SLIT2: variants seen among roughly 807,000 people sequenced by gnomAD.
SLIT2 encodes slit guidance ligand 2.
Under a neutral mutation model 185.7 loss-of-function variants are expected in SLIT2, and 41 were observed. The ratio of observed to expected loss-of-function variants is 0.22; its 90% confidence interval spans 0.17 to 0.29. The LOEUF is 0.29. SLIT2 is among the 10% of genes least tolerant of loss of function. The pLI is 1.00. For synonymous variants in SLIT2, 693 were observed against 680.2 expected, an observed-to-expected ratio of 1.02 and a Z score of -0.29; for missense variants, 1,571 against 1,909.0, an observed-to-expected ratio of 0.82 and a Z score of 3.30.
intron 6 of SLIT2, among the ~76,000 whole-genome samples, chr4:20,482,684 A>G (rs1206057359): frequency 1.3e-5 from 2 of 152,026 alleles, no homozygotes; most frequent in African/African-American, 2.4e-5. Flanking sequence ...TAATATATAC[A>G]TCTTATAGAA....
intron 9 of SLIT2, among the ~76,000 whole-genome samples, chr4:20,501,154 A>T (rs1383090200): frequency 6.6e-6 from 1 of 152,078 alleles, no homozygotes; most frequent in Non-Finnish European, 1.5e-5. Context: ...CCAAGTTTTC[A>T]TATTATGATT....
intron 3 of SLIT2, among the ~76,000 whole-genome samples, chr4:20,268,288 A>G (rs1184285089): frequency 6.6e-6 from 1 of 151,462 alleles, no homozygotes; most frequent in Non-Finnish European, 1.5e-5. Context: ...CTGGGTTGGT[A>G]TTCTCCTGAT....
At chr4:20,291,486 ATATATATTTTTTTTTTTTTTTTT>A (rs1228682327) in intron 4 of SLIT2, among the ~76,000 whole-genome samples, 13 of 10,292 alleles carry the variant, frequency 1.3e-3, no homozygotes, top group Non-Finnish European at 1.8e-3. Flanking sequence ...ATATATATAT[ATATATATTTTTTTTTTTTTTTTT>A]TTTTTTTTTT....
intron 4 of SLIT2, among the ~76,000 whole-genome samples, chr4:20,287,879 C>T (rs1335348037): frequency 1.3e-5 from 2 of 151,902 alleles, no homozygotes; most frequent in African/African-American, 2.4e-5. Flanking sequence ...TTCTTAAAAA[C>T]AATTTTCTTT....
chr4:20,341,920 G>C (rs1005783059), intron 4 of SLIT2, among the ~76,000 whole-genome samples: 1 of 151,954 alleles, frequency 6.6e-6, no homozygotes, highest in East Asian at 1.9e-4. Context: ...TATAATTTTC[G>C]CATGAAATTG....
intron 4 of SLIT2, among the ~76,000 whole-genome samples, chr4:20,374,063 C>A (rs1723810821): frequency 6.6e-6 from 1 of 152,046 alleles, no homozygotes; most frequent in Non-Finnish European, 1.5e-5. Flanking sequence ...TTGGCTCAGC[C>A]ACTTTTGGAT....
At chr4:20,488,380 A>G (rs1717455950) in intron 7 of SLIT2, among the ~76,000 whole-genome samples, 1 of 152,160 alleles carries the variant, frequency 6.6e-6, no homozygotes, top group African/African-American at 2.4e-5. Context: ...AAGGTTTTAT[A>G]AGCGGTTTCT....
At position 20,484,269 on chromosome 4, in the gene SLIT2, G is replaced by A. The variant is rs1441373458; in HGVS notation, c.540-1931G>A. 6.6e-6 allele frequency among the ~76,000 whole-genome samples: 1 copy of A among 152,050 alleles called. No homozygotes were observed. The highest frequency in any genetic ancestry group is 1.5e-5 in the Non-Finnish European group (1 of 67,970). ...AGCATAAATTTTGAGGATGGGAAAA[G>A]GGATCATTTGAAAGCAAATCCCATT... On this transcript the variant is annotated intron_variant, in intron 6 of 36. Coordinates refer to ENST00000504154, the MANE Select transcript of SLIT2 (RefSeq NM_004787.4). This position sits in a 1 kb window ranked among gnomAD's most constrained non-coding sequence, Gnocchi z 4.3.
At chr4:20,613,331 G>C (rs750647728) in intron 34 of SLIT2, among the ~76,000 whole-genome samples, 1 of 152,202 alleles carries the variant, frequency 6.6e-6, no homozygotes, top group East Asian at 1.9e-4. Flanking sequence ...CACAAAAAAA[G>C]AATTGAGCTG....
At chr4:20,541,949 T>A (rs1722831370) in intron 20 of SLIT2, among the ~76,000 whole-genome samples, 2 of 152,208 alleles carry the variant, frequency 1.3e-5, no homozygotes, top group Admixed American at 1.3e-4. Context: ...GAAAAGAAAT[T>A]AACTTACAGA....
Position 20,488,920 on chromosome 4 carries a change from G to A in SLIT2, c.713G>A (p.Gly238Asp). 1 of 1,611,990 alleles carries A rather than the reference G, an allele frequency of 6.2e-7. No homozygotes were observed. Among genetic ancestry groups the A allele is most frequent in the Non-Finnish European group, 8.5e-7 (1 of 1,178,372 alleles). The change falls in exon 8 of 37, where the codon GGC becomes GAC. Residue 238 changes from glycine to aspartate, a missense_variant. By Grantham distance (94) the Gly-to-Asp change is moderately conservative. Coordinates refer to ENST00000504154, the MANE Select transcript of SLIT2 (RefSeq NM_004787.4). ...PRVGLYTQCMGPSHLRGHNVA... is the reference protein window; with the variant it reads ...PRVGLYTQCMDPSHLRGHNVA... Reference sequence around the variant, plus strand: ...GTTGGTCTGTACACTCAGTGTATGGGCCCCTCCCACCTGAGAGGCCATAAT... The same window carrying A: ...GTTGGTCTGTACACTCAGTGTATGGACCCCTCCCACCTGAGAGGCCATAAT...
chr4:20,479,895 T>C (rs1314874287), intron 5 of SLIT2, among the ~76,000 whole-genome samples: 1 of 152,156 alleles, frequency 6.6e-6, no homozygotes, highest in African/African-American at 2.4e-5. Context: ...CATAGATACA[T>C]GTAGTGTTTT....
intron 5 of SLIT2, among the ~76,000 whole-genome samples, chr4:20,475,943 G>T (rs1716062201): frequency 1.3e-5 from 2 of 152,110 alleles, no homozygotes; most frequent in African/African-American, 4.8e-5. Flanking sequence ...AAAGCAAATT[G>T]TTGCCTGAAA....
intron 4 of SLIT2, among the ~76,000 whole-genome samples, chr4:20,426,771 TA>T (rs555552736): frequency 9.7e-4 from 147 of 152,232 alleles, no homozygotes; most frequent in Admixed American, 3.1e-3. Context: ...ATAATGATGA[TA>T]AAAAAATACA....
intron 4 of SLIT2, among the ~76,000 whole-genome samples, chr4:20,462,467 A>G (rs1422333576): frequency 6.6e-6 from 1 of 152,104 alleles, no homozygotes; most frequent in African/African-American, 2.4e-5. Flanking sequence ...TTGCTTATTC[A>G]GCAAACTTGA....
At chr4:20,368,219 C>CAAAAAAAAAAAAAAGAAAAAAAAA (rs1723273594) in intron 4 of SLIT2, among the ~76,000 whole-genome samples, 1 of 107,428 alleles carries the variant, frequency 9.3e-6, no homozygotes, top group Non-Finnish European at 1.9e-5. Context: ...CACAAAATAG[C>CAAAAAAAAAAAAAAGAAAAAAAAA]AAAAAAAAAA....
At chr4:20,543,861 A>G (rs1230399469) in intron 21 of SLIT2, among the ~76,000 whole-genome samples, 1 of 152,138 alleles carries the variant, frequency 6.6e-6, no homozygotes, top group Non-Finnish European at 1.5e-5. Context: ...GGACTATTTT[A>G]TATGTATATG....
rs1315858484 is a variant in SLIT2, at chr4:20,467,738, G to A, written c.396-14G>A. Reference sequence around the variant, plus strand: ...ATTTTCTAACGTGATCCTTTTTGTTGTTGTTGTTTTTAGTGATCTCAGTGA... The same window carrying A: ...ATTTTCTAACGTGATCCTTTTTGTTATTGTTGTTTTTAGTGATCTCAGTGA... On this transcript the variant is annotated splice_polypyrimidine_tract_variant and intron_variant, in intron 4 of 36. Transcript: ENST00000504154. 3.3e-6 allele frequency: 5 copies of A among 1,528,238 alleles called. No homozygotes were observed. In the African/African-American group the frequency reaches 6.9e-5, roughly 21 times the overall value. The allele number at this position is 1,528,238 out of a possible 1,614,324, so 94.7% of individuals were successfully genotyped here.
intron 21 of SLIT2, among the ~76,000 whole-genome samples, chr4:20,543,604 T>C (rs930782819): frequency 6.6e-6 from 1 of 152,252 alleles, no homozygotes; most frequent in African/African-American, 2.4e-5. Context: ...ATGAGCAGGT[T>C]TGACAAACTT....
Sources: gnomAD v4.1 joint callset for allele counts (sites outside exome capture counted in the v4.1 genomes callset) on GRCh38, gnomAD v4.1.1 for gene constraint, Gnocchi (gnomAD v3.1) non-coding constraint, MANE v1.5 for transcripts, NCBI Gene and HGNC (gene_info 2026-07-23, HGNC 2026-07-21) for gene names.